The following ROBO2 variants were observed in gnomAD, a reference collection of about 807,000 sequenced individuals.
The protein encoded by ROBO2 is roundabout homolog 2.
Under a neutral mutation model 160.8 loss-of-function variants are expected in ROBO2, and 53 were observed. The ratio of observed to expected loss-of-function variants is 0.33; its 90% CI spans 0.26 to 0.41. ROBO2 has a LOEUF of 0.41. ROBO2 is among the 10% of genes least tolerant of loss of function. ROBO2 has a pLI of 1.00. For synonymous variants in ROBO2, 664 were observed against 611.7 expected, an observed-to-expected ratio of 1.09 and a Z score of -1.26; for missense variants, 1,577 against 1,722.4, an observed-to-expected ratio of 0.92 and a Z score of 1.49.
intron 2 of ROBO2, among the ~76,000 whole-genome samples, chr3:76,879,476 C>A (rs1056663648): frequency 6.6e-6 from 1 of 151,966 alleles, no homozygotes; most frequent in Non-Finnish European, 1.5e-5. Context: ...GAACTCTCTT[C>A]CTCTGAAAAA....
rs879918403 is a variant in ROBO2 at position 76,085,110 on chromosome 3, T to TAC, written c.109+147509_109+147510insCA. 2.7e-4 allele frequency among the ~76,000 whole-genome samples: 39 copies of TAC among 144,080 alleles called. No individual in the cohort carries two copies. The East Asian group carries it at 5.3e-3, about 19-fold the overall frequency. The allele number at this position is 144,080 out of a possible 152,430, so 94.5% of individuals were successfully genotyped here. A position where few individuals can be genotyped will look rare whatever the true frequency, so the allele number is the denominator to read the frequency against. On this transcript the variant is annotated intron_variant, in intron 2 of 26. Coordinates refer to the ROBO2 transcript ENST00000487694. The stretch of plus-strand genomic sequence containing the variant: ...ACAAACCCCCCAGTTTACATATATA[T>TAC]ATATATACACACACACACACACACA...
At chr3:77,105,343 G>T (rs151230844) in intron 2 of ROBO2, among the ~76,000 whole-genome samples, 1 of 152,102 alleles carries the variant, frequency 6.6e-6, no homozygotes, top group Non-Finnish European at 1.5e-5. Flanking sequence ...AGCAACTTTC[G>T]TTTTTTGTAA....
At chr3:76,183,011 G>C (rs1701582535) in intron 2 of ROBO2, among the ~76,000 whole-genome samples, 1 of 152,050 alleles carries the variant, frequency 6.6e-6, no homozygotes, top group South Asian at 2.1e-4. Flanking sequence ...AGCTATGTTG[G>C]GTGATTTTTC....
At chr3:77,472,756 A>T (rs918735228) in intron 2 of ROBO2, among the ~76,000 whole-genome samples, 1 of 152,124 alleles carries the variant, frequency 6.6e-6, no homozygotes, top group East Asian at 1.9e-4. Flanking sequence ...TTGACAAGCA[A>T]TCGTATATAT....
intron 2 of ROBO2, among the ~76,000 whole-genome samples, chr3:76,769,334 C>G (rs1375338534): frequency 6.8e-6 from 1 of 146,600 alleles, no homozygotes; most frequent in Non-Finnish European, 1.5e-5. Flanking sequence ...GTCAGAGAGT[C>G]TGTATTTGTA....
intron 2 of ROBO2, among the ~76,000 whole-genome samples, chr3:77,148,636 C>G (rs190653883): frequency 1.3e-5 from 2 of 152,278 alleles, no homozygotes; most frequent in Admixed American, 1.3e-4. Context: ...AATATTGCAG[C>G]CAATTTTCTT....
intron 2 of ROBO2, among the ~76,000 whole-genome samples, chr3:76,992,342 TA>T (rs1460315192): frequency 0.03 from 2,202 of 72,742 alleles, 64 homozygotes; most frequent in African/African-American, 0.031. Flanking sequence ...TATATATATA[TA>T]TATATATATA....
chr3:77,602,673 A>ACCACCACCACCACCACCG (rs1559705845), intron 20 of ROBO2, among the ~76,000 whole-genome samples, 182 bp downstream of exon 21: 10 of 122,914 alleles, frequency 8.1e-5, no homozygotes, highest in African/African-American at 3.0e-4. Context: ...CACCACCACC[A>ACCACCACCACCACCACCG]CCACCACCAC....
intron 2 of ROBO2, among the ~76,000 whole-genome samples, chr3:77,384,429 TA>T (rs1214548344): frequency 6.6e-6 from 1 of 152,094 alleles, no homozygotes; most frequent in Admixed American, 6.5e-5. Context: ...TATTTATCTT[TA>T]AAAAAAGTCC....
At chr3:76,040,755 AG>A (rs1405934651) in intron 2 of ROBO2, among the ~76,000 whole-genome samples, 1 of 152,044 alleles carries the variant, frequency 6.6e-6, no homozygotes, top group Non-Finnish European at 1.5e-5. Flanking sequence ...TGGGAGGCCA[AG>A]GAGGGTGGAT....
At chr3:76,997,962 G>A (rs1363818294) in intron 2 of ROBO2, among the ~76,000 whole-genome samples, 3 of 152,084 alleles carry the variant, frequency 2.0e-5, no homozygotes, top group African/African-American at 7.2e-5. Context: ...ACATTTTGGT[G>A]CAGGATTCCA....
intron 1 of ROBO2, among the ~76,000 whole-genome samples, chr3:75,907,409 G>T (rs1946393994): frequency 6.6e-6 from 1 of 152,032 alleles, no homozygotes; most frequent in Non-Finnish European, 1.5e-5. Context: ...GGGGGTGGGG[G>T]TTGGGACTCT....
At chr3:76,803,754 C>G (rs1325213316) in intron 2 of ROBO2, among the ~76,000 whole-genome samples, 1 of 152,052 alleles carries the variant, frequency 6.6e-6, no homozygotes, top group Non-Finnish European at 1.5e-5. Flanking sequence ...TCAAGTTGGA[C>G]AACTAAAACA....
intron 2 of ROBO2, among the ~76,000 whole-genome samples, chr3:76,295,144 C>G (rs1243243968): frequency 6.6e-6 from 1 of 152,114 alleles, no homozygotes; most frequent in African/African-American, 2.4e-5. Context: ...AATTCATTGA[C>G]TTTGACTCCT....
intron 1 of ROBO2, among the ~76,000 whole-genome samples, chr3:75,922,923 T>C (rs904418570): frequency 1.3e-5 from 2 of 152,194 alleles, no homozygotes; most frequent in African/African-American, 2.4e-5. Flanking sequence ...CTGGATAATA[T>C]GCATTCCATT....
At chr3:77,238,142 T>A (rs4683985) in intron 2 of ROBO2, among the ~76,000 whole-genome samples, 120,149 of 152,086 alleles carry the variant, frequency 0.79, 47,865 homozygotes, top group Middle Eastern at 0.85. Context: ...GTCCTTTATC[T>A]AGTAGATCTT....
At chr3:76,838,055 GA>G (rs1477800104) in intron 2 of ROBO2, among the ~76,000 whole-genome samples, 1 of 152,042 alleles carries the variant, frequency 6.6e-6, no homozygotes, top group East Asian at 1.9e-4. Flanking sequence ...TAGCAGCCAT[GA>G]AAAAGAGTGA....
chr3:76,220,032 A>G (rs1326665109), intron 2 of ROBO2, among the ~76,000 whole-genome samples: 2 of 152,064 alleles, frequency 1.3e-5, no homozygotes, highest in Non-Finnish European at 2.9e-5. Context: ...TTGTAGGGAC[A>G]TGGATGAAGC....
chr3:76,433,184 G>C (rs907698242), intron 2 of ROBO2, among the ~76,000 whole-genome samples: 6 of 152,132 alleles, frequency 3.9e-5, no homozygotes, highest in Admixed American at 2.0e-4. Context: ...TACTTTGTAG[G>C]ATAAGATTTT....
Sources: allele counts gnomAD v4.1 joint callset (sites outside exome capture counted in the v4.1 genomes callset), GRCh38; gene constraint gnomAD v4.1.1; transcripts MANE v1.5; gene names NCBI Gene and HGNC (gene_info 2026-07-23, HGNC 2026-07-21).